The following DNAAF9 variants were observed in gnomAD, a reference collection of about 807,000 sequenced individuals.
DNAAF9 encodes the protein dynein axonemal assembly factor 9.
DNAAF9 carries 90 observed loss-of-function variants against 167.0 expected under a neutral mutation model. That is an observed-to-expected ratio of 0.54 (90% CI 0.45 to 0.64). DNAAF9 has a LOEUF of 0.64. Ranked by LOEUF, DNAAF9 falls within the 30% of genes least tolerant of loss-of-function variation. The pLI is 0.00. For missense variants in DNAAF9, 1,315 were observed against 1,442.2 expected (o/e 0.91, Z 1.43); for synonymous variants, 491 against 508.8 (o/e 0.96, Z 0.47).
chr20:3,343,844 T>TGTGTGTGTGAGC (rs766937131), intron 8 of DNAAF9, 113 bp from the exon 9 acceptor site: 5 of 384,774 alleles, frequency 1.3e-5, no homozygotes, highest in Non-Finnish European at 2.3e-5. Flanking sequence ...GCACAGCGTG[T>TGTGTGTGTGAGC]GTGTGTGTGT....
intron 7 of DNAAF9, among the ~76,000 whole-genome samples, chr20:3,354,687 T>G (rs1184150350): frequency 2.0e-5 from 3 of 152,194 alleles, no homozygotes; most frequent in African/African-American, 7.2e-5. Flanking sequence ...TTACCACACA[T>G]GACTCCTCTA....
intron 1 of DNAAF9, among the ~76,000 whole-genome samples, chr20:3,395,115 G>T (rs1369988634): frequency 3.4e-5 from 5 of 148,642 alleles, no homozygotes; most frequent in Non-Finnish European, 7.4e-5. Flanking sequence ...CTACAGGCGT[G>T]CGCCACCATG....
intron 16 of DNAAF9, among the ~76,000 whole-genome samples, chr20:3,320,716 CTTG>C (rs900730938): frequency 6.6e-6 from 1 of 152,152 alleles, no homozygotes; most frequent in African/African-American, 2.4e-5. Context: ...AAAAATTACC[CTTG>C]TTGTGCTATT....
At chr20:3,330,415 T>G (rs1389606437) in intron 12 of DNAAF9, among the ~76,000 whole-genome samples, 3 of 151,854 alleles carry the variant, frequency 2.0e-5, no homozygotes, top group Non-Finnish European at 2.9e-5. Context: ...GCTAATTTTT[T>G]ATTTTCTGTA....
At chr20:3,280,569 GAA>G (rs201495872) in intron 28 of DNAAF9, among the ~76,000 whole-genome samples, 82 of 142,536 alleles carry the variant, frequency 5.8e-4, no homozygotes, top group African/African-American at 1.7e-3. Flanking sequence ...CCATCTCAAA[GAA>G]AAAAAAAAAA....
intron 26 of DNAAF9, 91 bp downstream of exon 26, chr20:3,290,038 C>T: frequency 1.3e-6 from 1 of 792,112 alleles, no homozygotes; most frequent in Non-Finnish European, 2.2e-6. Context: ...CCAGTCCCAC[C>T]AAGGCCAGTA....
intron 8 of DNAAF9, among the ~76,000 whole-genome samples, chr20:3,346,917 AAAG>A (rs1213029875): frequency 6.6e-6 from 1 of 152,164 alleles, no homozygotes; most frequent in Non-Finnish European, 1.5e-5. Context: ...TCCCTCAAGG[AAAG>A]AAGAGAGGTT....
intron 31 of DNAAF9, among the ~76,000 whole-genome samples, chr20:3,261,968 G>C (rs566344117): frequency 1.3e-5 from 2 of 152,116 alleles, no homozygotes; most frequent in Non-Finnish European, 2.9e-5. Context: ...GAACAGAGAA[G>C]GATGTGGGAG....
intron 6 of DNAAF9, among the ~76,000 whole-genome samples, chr20:3,360,953 A>G (rs1012097943): frequency 1.3e-5 from 2 of 152,218 alleles, no homozygotes; most frequent in Non-Finnish European, 2.9e-5. Flanking sequence ...TCACCTTATC[A>G]AAACCTGAGC....
chr20:3,406,408 C>A (rs969738184), intron 1 of DNAAF9, among the ~76,000 whole-genome samples: 12 of 152,164 alleles, frequency 7.9e-5, no homozygotes, highest in African/African-American at 2.9e-4. Flanking sequence ...CAAACAACAA[C>A]AAAACCCTCT....
intron 35 of DNAAF9, among the ~76,000 whole-genome samples, chr20:3,254,263 C>G (rs6051680): frequency 0.25 from 37,946 of 151,762 alleles, 5,323 homozygotes; most frequent in African/African-American, 0.37. Flanking sequence ...ATTTTTAGTA[C>G]AGACAGGGTT....
intron 29 of DNAAF9, among the ~76,000 whole-genome samples, chr20:3,277,858 C>T (rs1350470309): frequency 6.6e-6 from 1 of 152,202 alleles, no homozygotes; most frequent in Non-Finnish European, 1.5e-5. Context: ...CCCTGGGCAG[C>T]ATGAGCTCAG....
intron 23 of DNAAF9, among the ~76,000 whole-genome samples, chr20:3,294,865 C>T (rs532294354): frequency 8.5e-5 from 13 of 152,072 alleles, no homozygotes; most frequent in African/African-American, 3.1e-4. Context: ...TCGGTGATTT[C>T]ACCTCTCCTT....
At chr20:3,314,991 G>C (rs1215515036) in intron 20 of DNAAF9, 42 bp downstream of exon 20, 1 of 1,073,408 alleles carries the variant, frequency 9.3e-7, no homozygotes, top group Non-Finnish European at 1.4e-6. Context: ...GCAAATGAGG[G>C]ACCCAGACAT....
chr20:3,406,898 A>T (rs971233034), intron 1 of DNAAF9, among the ~76,000 whole-genome samples: 12 of 151,410 alleles, frequency 7.9e-5, no homozygotes, highest in Non-Finnish European at 1.5e-4. Context: ...AGATGCTGTC[A>T]TTATGTACGT....
At chr20:3,386,589 T>C (rs1225098584) in intron 1 of DNAAF9, among the ~76,000 whole-genome samples, 3 of 151,572 alleles carry the variant, frequency 2.0e-5, no homozygotes, top group Non-Finnish European at 4.4e-5. Context: ...AAAAGTGTGA[T>C]CCATAGGGAA....
At position 3,249,598 on chromosome 20, in the gene DNAAF9, A is replaced by G. The variant is rs2068169551; in HGVS notation, c.*2974T>C. ...GTATAAAAGTGAATTTTGGCACGTA[A>G]GTGAGCTCTTATGTCATTAGTATTT... On this transcript the variant is annotated 3_prime_UTR_variant, in exon 37 of 37. Coordinates refer to ENST00000252032, the MANE Select transcript of DNAAF9 (RefSeq NM_001009984.3). The G allele has an allele frequency of 6.6e-6, 1 of 152,236 alleles. No individual in the cohort carries two copies. The highest frequency in any genetic ancestry group is 1.5e-5 in the Non-Finnish European group (1 of 68,040). 9.4% of individuals were successfully genotyped at this position (152,236 alleles called of 1,614,324 possible). A position where few individuals can be genotyped will look rare whatever the true frequency, so the allele number is the denominator to read the frequency against.
Position 3,381,490 on chromosome 20 carries a change from T to C in DNAAF9, c.172A>G (p.Ser58Gly). 1.2e-6 allele frequency: 2 copies of C among 1,613,734 alleles called. No individual in the cohort carries two copies. Among genetic ancestry groups the C allele is most frequent in the Non-Finnish European group, 1.7e-6 (2 of 1,179,906 alleles). The change falls in exon 3 of 37, where the codon AGC becomes GGC. Residue 58 changes from serine to glycine, a missense_variant. Transcript: ENST00000252032. ...TCTCTGCAGCCTTCATTGTACCTGC[T>C]ATCGATTCCTGCAAGGCAAAGGAGG... ...DGILCILGID[S>G]RYNEGCRELA... is the part of the protein sequence containing the mutation.
intron 12 of DNAAF9, 64 bp from the exon 13 acceptor site, chr20:3,326,348 G>T: frequency 1.8e-6 from 2 of 1,090,128 alleles, no homozygotes; most frequent in Non-Finnish European, 2.8e-6. Flanking sequence ...AAAGATGCAT[G>T]CACATAAATG....
Sources: allele counts gnomAD v4.1 joint callset (sites outside exome capture counted in the v4.1 genomes callset), GRCh38; gene constraint gnomAD v4.1.1; transcripts MANE v1.5; gene names NCBI Gene and HGNC (gene_info 2026-07-23, HGNC 2026-07-21).